Variants in ACO1 observed in about 807,000 individuals in gnomAD.
ACO1 encodes the protein cytoplasmic aconitate hydratase.
In ACO1, 78 loss-of-function variants were observed where a neutral mutation model predicts 105.1. The observed-to-expected ratio is 0.74, with a 90% CI of 0.62 to 0.90. The LOEUF (loss-of-function observed/expected upper bound fraction) is 0.90. Ranked by LOEUF, ACO1 falls within the 40% of genes least tolerant of loss-of-function variation. The pLI, the probability that ACO1 is intolerant of heterozygous loss-of-function variation, is 0.00. For synonymous variants in ACO1, 364 were observed against 397.4 expected (o/e 0.92, Z 1.00); for missense variants, 965 against 1,111.1 (o/e 0.87, Z 1.87).
At chr9:32,445,573 T>C in intron 19 of ACO1, 1 of 305,138 alleles carries the variant, frequency 3.3e-6, no homozygotes, top group Non-Finnish European at 6.7e-6. Context: ...CTGGATTCAT[T>C]GATTTGATTT....
intron 7 of ACO1, 118 bp from the exon 8 acceptor site, chr9:32,420,738 C>T: frequency 2.0e-6 from 2 of 1,022,392 alleles, no homozygotes; most frequent in South Asian, 3.3e-5. Flanking sequence ...ATGTGTTGGG[C>T]TGATTTACTA....
chr9:32,438,051 A>G (rs1019705448), intron 18 of ACO1, among the ~76,000 whole-genome samples: 3 of 152,212 alleles, frequency 2.0e-5, no homozygotes, highest in Non-Finnish European at 4.4e-5. Context: ...AGGCCCATCT[A>G]AATAATTTTA....
In ACO1 at chr9:32,452,820, A is replaced by AAATC. The variant is rs1361650312; in HGVS notation, c.*2711_*2714dup. On this transcript the variant is annotated 3_prime_UTR_variant, in exon 21 of 21. Transcript: ENST00000309951. ...AAATAAATAAATAAATAAATAAAATAAATCAGCCAGGTGTGCACCTGTGGT... is the reference window on the plus strand; with the variant it reads ...AAATAAATAAATAAATAAATAAAATAAATCAATCAGCCAGGTGTGCACCTGTGGT... 49 of 152,140 alleles carry AAATC rather than the reference A, an allele frequency of 3.2e-4. No homozygotes were observed. The highest frequency in any genetic ancestry group is 1.2e-3 in the East Asian group (6 of 5,158). 9.4% of individuals were successfully genotyped at this position (152,140 alleles called of 1,614,324 possible).
intron 8 of ACO1, 84 bp downstream of exon 8, chr9:32,421,111 A>G (rs560140119): frequency 3.5e-6 from 5 of 1,421,122 alleles, no homozygotes; most frequent in African/African-American, 2.8e-5. Flanking sequence ...TTCTGCCTCT[A>G]CCCAACAGAA....
intron 1 of ACO1, among the ~76,000 whole-genome samples, chr9:32,399,976 T>G (rs1382329895): frequency 1.5e-5 from 2 of 133,848 alleles, no homozygotes; most frequent in Non-Finnish European, 3.2e-5. Flanking sequence ...GTTTTTTTTT[T>G]TTTTTTTTTT....
chr9:32,392,987 G>A (rs11787823), intron 1 of ACO1, among the ~76,000 whole-genome samples: 42,903 of 151,954 alleles, frequency 0.28, 6,896 homozygotes, highest in Non-Finnish European at 0.36. Flanking sequence ...ATCTTCATAA[G>A]CTGAGGAGGA....
chr9:32,411,385 A>G (rs372864951), intron 4 of ACO1, among the ~76,000 whole-genome samples: 27 of 152,366 alleles, frequency 1.8e-4, no homozygotes, highest in African/African-American at 6.5e-4. Context: ...AAGGAAATGT[A>G]TGCGTGTCAG....
At chr9:32,442,190 C>G (rs1822495670) in intron 19 of ACO1, among the ~76,000 whole-genome samples, 1 of 152,036 alleles carries the variant, frequency 6.6e-6, no homozygotes, top group African/African-American at 2.4e-5. Context: ...TTAAAAGCCT[C>G]CCCTGCTGAT....
At chr9:32,417,710 A>G (rs1390536022) in intron 4 of ACO1, among the ~76,000 whole-genome samples, 1 of 152,190 alleles carries the variant, frequency 6.6e-6, no homozygotes, top group African/African-American at 2.4e-5. Context: ...AAAGAGATGA[A>G]AATACCAGCC....
At chr9:32,427,589 T>A (rs1310549083) in intron 12 of ACO1, among the ~76,000 whole-genome samples, 153 bp downstream of exon 12, 1 of 152,194 alleles carries the variant, frequency 6.6e-6, no homozygotes, top group Non-Finnish European at 1.5e-5. Context: ...ACCCTTACAT[T>A]CCATCTAAAG....
chr9:32,416,524 A>G (rs75780239), intron 4 of ACO1, among the ~76,000 whole-genome samples: 2,213 of 152,224 alleles, frequency 0.015, 50 homozygotes, highest in African/African-American at 0.05. Flanking sequence ...CCTTCTGGAA[A>G]GCATTCCAAT....
chr9:32,396,081 A>G (rs1821367987), intron 1 of ACO1, among the ~76,000 whole-genome samples: 1 of 152,224 alleles, frequency 6.6e-6, no homozygotes, highest in Admixed American at 6.5e-5. Flanking sequence ...GTGAGTCATG[A>G]TCATTTTTGT....
intron 14 of ACO1, among the ~76,000 whole-genome samples, 177 bp from the exon 15 acceptor site, chr9:32,431,542 G>C (rs75743634): frequency 3.9e-5 from 6 of 152,302 alleles, no homozygotes; most frequent in African/African-American, 1.4e-4. Flanking sequence ...GGTGACCAGA[G>C]GCTTGCAGGA....
intron 1 of ACO1, among the ~76,000 whole-genome samples, chr9:32,400,904 A>G (rs956941116): frequency 1.3e-5 from 2 of 150,700 alleles, no homozygotes; most frequent in Admixed American, 1.3e-4. Flanking sequence ...TTGCATATGC[A>G]ATGGTGTGTG....
In ACO1 at chr9:32,450,020, A is replaced by G. The variant is rs2118592527; in HGVS notation, c.2579A>G (p.Gln860Arg). 1 of 1,614,034 alleles carries G rather than the reference A, an allele frequency of 6.2e-7. No individual in the cohort carries two copies. The highest frequency in any genetic ancestry group is 1.7e-4 in the Middle Eastern group (1 of 6,040). ...CAGCTGGATACTGGCAAGACCTTCC[A>G]GGCTGTCATGAGGTTTGACACTGAT... ...QVKLDTGKTF[Q>R]AVMRFDTDVE... The change falls in exon 21 of 21, where the codon CAG (glutamine) becomes CGG (arginine). Residue 860 changes from glutamine to arginine, a missense_variant. By Grantham distance (43) the Gln-to-Arg change is conservative (BLOSUM62 1). Transcript: ENST00000309951.
intron 4 of ACO1, among the ~76,000 whole-genome samples, chr9:32,416,140 G>T: frequency 6.9e-6 from 1 of 145,496 alleles, no homozygotes. Flanking sequence ...TGTCGCCCAA[G>T]TTGGAGTGCA....
chr9:32,397,337 T>G (rs1443209199), intron 1 of ACO1, among the ~76,000 whole-genome samples: 1 of 152,252 alleles, frequency 6.6e-6, no homozygotes, highest in East Asian at 1.9e-4. Context: ...TAATAGGTTT[T>G]TGTTTTATGA....
rs1158701685 is a variant in ACO1, at chr9:32,434,709, T to C, written c.2099+8T>C. 2 of 1,613,618 alleles carry C rather than the reference T, an allele frequency of 1.2e-6. No homozygotes were observed. Among genetic ancestry groups the C allele is most frequent in the Non-Finnish European group, 1.7e-6 (2 of 1,179,736 alleles). ...CTACTTAACTAACAGAGGGTAAGTA[T>C]GAATGAGGCAGGAAGGACTAAAGGC... On this transcript the variant is annotated splice_region_variant and intron_variant, in intron 17 of 20. Coordinates refer to ENST00000309951, the MANE Select transcript of ACO1 (RefSeq NM_002197.3).
Position 32,450,163 on chromosome 9 carries a change from C to A in ACO1, c.*52C>A. ...GGGAGGAAGCCGCACCACCAGCCAG[C>A]GCAGGCCCTGGTGGAGAGGCCTCCC... On this transcript the variant is annotated 3_prime_UTR_variant, in exon 21 of 21. Transcript: ENST00000309951. 1 of 1,467,312 alleles carries A rather than the reference C, an allele frequency of 6.8e-7. No homozygotes were observed. The highest frequency in any genetic ancestry group is 9.5e-7 in the Non-Finnish European group (1 of 1,048,162). The allele number at this position is 1,467,312 out of a possible 1,614,324, so 90.9% of individuals were successfully genotyped here. A position where few individuals can be genotyped will look rare whatever the true frequency, so the allele number is the denominator to read the frequency against.
Sources: gnomAD v4.1 joint callset for allele counts (sites outside exome capture counted in the v4.1 genomes callset) on GRCh38, gnomAD v4.1.1 for gene constraint, MANE v1.5 for transcripts, NCBI Gene and HGNC (gene_info 2026-07-23, HGNC 2026-07-21) for gene names.